The following SLC25A17 variants were observed in gnomAD, a reference collection of about 807,000 sequenced individuals.
SLC25A17 encodes solute carrier family 25 member 17, also known as peroxisomal membrane protein PMP34.
In SLC25A17, 26 loss-of-function variants were observed where a neutral mutation model predicts 38.5. That is an observed-to-expected ratio of 0.68 (90% CI 0.50 to 0.94). SLC25A17 has a LOEUF of 0.94. SLC25A17 is among the 40% of genes least tolerant of loss of function. The probability of loss-of-function intolerance (pLI) is 0.00; values close to 1 mark genes in which losing one functional copy is unlikely to be tolerated. For missense variants in SLC25A17, 333 were observed against 372.7 expected (o/e 0.89, Z 0.88); for synonymous variants, 139 against 136.2 (o/e 1.02, Z -0.14).
rs773140245 is a variant in SLC25A17 at position 40,795,049 on chromosome 22, G to A, written c.116-469C>T. ...ATTACAGGCGTGAGCCACCATACCC[G>A]GCCCGTGTATGTTTAAACTAAATCC... On this transcript the variant is annotated intron_variant, in intron 2 of 8. Coordinates refer to ENST00000435456, the MANE Select transcript of SLC25A17 (RefSeq NM_006358.4). 5.1e-4 allele frequency among the ~76,000 whole-genome samples: 77 copies of A among 150,244 alleles called. 2 individuals carry two copies. Among genetic ancestry groups the A allele is most frequent in the Non-Finnish European group, 4.5e-4 (30 of 67,300 alleles).
rs1157530174 is a variant in SLC25A17, at chr22:40,789,597, G to A, written c.334+2928C>T. On this transcript the variant is annotated intron_variant, in intron 4 of 8. Transcript: ENST00000435456. This position sits in a 1 kb window ranked among gnomAD's most constrained non-coding sequence, Gnocchi z 4.5. The stretch of plus-strand genomic sequence containing the variant: ...TCTTGGCTCACTGCAACCTCTGCCT[G>A]CCAGGTTCAAACAATTCTCCTGCCT... Among the ~76,000 whole-genome samples the A allele has an allele frequency of 6.6e-6, 1 of 151,570 alleles. No individual in the cohort carries two copies. Among genetic ancestry groups the A allele is most frequent in the Admixed American group, 6.6e-5 (1 of 15,208 alleles).
intron 4 of SLC25A17, among the ~76,000 whole-genome samples, chr22:40,781,974 C>A (rs2057298698): frequency 6.6e-6 from 1 of 152,138 alleles, no homozygotes; most frequent in African/African-American, 2.4e-5. Flanking sequence ...GGAATCCCAG[C>A]ACTTTGGGAG....
At chr22:40,813,152 C>T (rs138320) in intron 1 of SLC25A17, among the ~76,000 whole-genome samples, 110,449 of 152,098 alleles carry the variant, frequency 0.73, 41,631 homozygotes, top group African/African-American at 0.91. Context: ...GTATATATTA[C>T]ATAAGTAACT....
At chr22:40,798,382 C>A (rs781075183) in intron 2 of SLC25A17, 1 of 152,152 alleles carries the variant, frequency 6.6e-6, no homozygotes, top group Non-Finnish European at 1.5e-5. Flanking sequence ...TTCCTCGGAA[C>A]CTTTTCCCCA....
At chr22:40,803,491 T>C (rs2057502013) in intron 1 of SLC25A17, among the ~76,000 whole-genome samples, 1 of 152,238 alleles carries the variant, frequency 6.6e-6, no homozygotes, top group Admixed American at 6.5e-5. Flanking sequence ...CAGGATTTCA[T>C]TCTGTTTTAC....
intron 1 of SLC25A17, among the ~76,000 whole-genome samples, chr22:40,803,752 T>C (rs1396471077): frequency 1.3e-5 from 2 of 152,146 alleles, no homozygotes; most frequent in Non-Finnish European, 2.9e-5. Context: ...TGTACCAATT[T>C]ACATTCCCAT....
At chr22:40,771,836 T>A (rs1602583054) in intron 8 of SLC25A17, among the ~76,000 whole-genome samples, 1 of 152,256 alleles carries the variant, frequency 6.6e-6, no homozygotes, top group East Asian at 1.9e-4. Context: ...ATTGTACATT[T>A]AAAAATAACT....
Position 40,770,870 on chromosome 22 carries a change from G to A in SLC25A17, c.888C>T (p.Phe296=). 3 of 1,613,464 alleles carry A rather than the reference G, an allele frequency of 1.9e-6. No homozygotes were observed. The highest frequency in any genetic ancestry group is 2.5e-6 in the Non-Finnish European group (3 of 1,179,524). The change falls in exon 9 of 9, where the codon TTC becomes TTT. Residue 296 remains phenylalanine (F), a synonymous_variant. Transcript: ENST00000435456. The stretch of plus-strand genomic sequence containing the variant: ...GTGCACGCTTCAGCCCCATAACTGT[G>A]AAGGTGGCAGCTGTCAGTTTCTCAT... ...LVYEKLTAAT[F]TVMGLKRAHQ... is the part of the protein sequence containing the mutation.
At chr22:40,778,622 G>T (rs772259181) in intron 5 of SLC25A17, among the ~76,000 whole-genome samples, 2 of 152,136 alleles carry the variant, frequency 1.3e-5, no homozygotes, top group Admixed American at 1.3e-4. Context: ...CAACGTGCAG[G>T]TTTGTTACAT....
chr22:40,774,216 A>C (rs984537997), intron 7 of SLC25A17, among the ~76,000 whole-genome samples, 197 bp from the exon 8 acceptor site: 1 of 151,788 alleles, frequency 6.6e-6, no homozygotes, highest in Non-Finnish European at 1.5e-5. Flanking sequence ...GAAAATAAGA[A>C]AAATTTTTCC....
In SLC25A17 at chr22:40,802,618, C is replaced by G. The variant is rs111941042; in HGVS notation, c.55-3535G>C. Among the ~76,000 whole-genome samples, 383 of 152,146 alleles carry G rather than the reference C, an allele frequency of 2.5e-3. 5 individuals are homozygous for G. Among genetic ancestry groups the G allele is most frequent in the African/African-American group, 8.8e-3 (364 of 41,480 alleles). ...CAAGATCGTGCCACTGCACTCCAGCCTGGACAACAAGAGGGAAACTCCTTC... is the reference window on the plus strand; with the variant it reads ...CAAGATCGTGCCACTGCACTCCAGCGTGGACAACAAGAGGGAAACTCCTTC... On this transcript the variant is annotated intron_variant, in intron 1 of 8. Coordinates refer to ENST00000435456, the MANE Select transcript of SLC25A17 (RefSeq NM_006358.4).
At chr22:40,804,367 C>A (rs2057510922) in intron 1 of SLC25A17, among the ~76,000 whole-genome samples, 1 of 151,928 alleles carries the variant, frequency 6.6e-6, no homozygotes, top group Non-Finnish European at 1.5e-5. Context: ...GAATGGGATC[C>A]CTATTTTCTG....
intron 2 of SLC25A17, chr22:40,797,312 G>T: frequency 7.7e-7 from 1 of 1,301,652 alleles, no homozygotes; most frequent in Non-Finnish European, 1.0e-6. Flanking sequence ...TCTGGCATAG[G>T]TTTACAATTT....
intron 3 of SLC25A17, 73 bp from the exon 4 acceptor site, chr22:40,792,749 G>C (rs1285879166): frequency 1.3e-6 from 2 of 1,515,522 alleles, no homozygotes; most frequent in Non-Finnish European, 1.8e-6. Flanking sequence ...TCCTAGGAAA[G>C]GCTGACCATC....
At chr22:40,772,740 G>A (rs1331687525) in intron 8 of SLC25A17, among the ~76,000 whole-genome samples, 1 of 151,888 alleles carries the variant, frequency 6.6e-6, no homozygotes, top group Non-Finnish European at 1.5e-5. Context: ...GGGCTCAAGT[G>A]AATCTCCTGC....
chr22:40,773,599 T>C (rs1331371713), intron 8 of SLC25A17, among the ~76,000 whole-genome samples: 1 of 152,156 alleles, frequency 6.6e-6, no homozygotes, highest in Non-Finnish European at 1.5e-5. Context: ...TCCTATTCTA[T>C]AGGCAGATGT....
chr22:40,798,874 C>T (rs537222835), intron 2 of SLC25A17, 149 bp downstream of exon 2: 6 of 539,282 alleles, frequency 1.1e-5, no homozygotes, highest in Non-Finnish European at 2.0e-5. Flanking sequence ...ACCCAGGAGG[C>T]GAAGGTTGCA....
chr22:40,801,939 C>T (rs1161491699), intron 1 of SLC25A17, among the ~76,000 whole-genome samples: 3 of 152,030 alleles, frequency 2.0e-5, no homozygotes, highest in Admixed American at 6.6e-5. Context: ...TAAGGGCGCC[C>T]GCCTCCATGC....
rs79705426 is a variant in SLC25A17, at chr22:40,786,415, A to G, written c.334+6110T>C. Among the ~76,000 whole-genome samples, 206 of 152,214 alleles carry G rather than the reference A, an allele frequency of 1.4e-3. 2 individuals are homozygous for G. The East Asian group carries it at 0.034, about 25-fold the overall frequency. Reference sequence around the variant, plus strand: ...GGAGAGGAAAGTACGGTTACTTCGCATATCTTAGGGGAAGTGGATCCAGGA... The same window carrying G: ...GGAGAGGAAAGTACGGTTACTTCGCGTATCTTAGGGGAAGTGGATCCAGGA... On this transcript the variant is annotated intron_variant, in intron 4 of 8. Coordinates refer to ENST00000435456, the MANE Select transcript of SLC25A17 (RefSeq NM_006358.4).
Sources: allele counts gnomAD v4.1 joint callset (sites outside exome capture counted in the v4.1 genomes callset), GRCh38; gene constraint gnomAD v4.1.1; non-coding constraint Gnocchi (gnomAD v3.1); transcripts MANE v1.5; gene names NCBI Gene and HGNC (gene_info 2026-07-23, HGNC 2026-07-21).